Variants in NCAM2 observed in about 807,000 individuals in gnomAD.
NCAM2 encodes N-CAM-2.
In NCAM2, 30 loss-of-function variants were observed where a neutral mutation model predicts 98.1. The ratio of observed to expected loss-of-function variants is 0.31; its 90% confidence interval spans 0.23 to 0.41. The LOEUF is 0.41. NCAM2 is among the 10% of genes least tolerant of loss of function. The pLI is 1.00. For missense variants in NCAM2, 867 were observed against 1,005.8 expected (o/e 0.86, Z 1.87); for synonymous variants, 368 against 342.4 (o/e 1.07, Z -0.83).
chr21:21,206,515 A>G (rs2069443690), intron 1 of NCAM2, among the ~76,000 whole-genome samples: 1 of 152,164 alleles, frequency 6.6e-6, no homozygotes, highest in Non-Finnish European at 1.5e-5. Flanking sequence ...ATATAGTCTT[A>G]CTGGGTTTGA....
intron 15 of NCAM2, among the ~76,000 whole-genome samples, chr21:21,494,818 G>T (rs989596166): frequency 1.3e-5 from 2 of 151,680 alleles, no homozygotes; most frequent in African/African-American, 2.4e-5. Context: ...TTATTAAAAG[G>T]ATATTTTAAA....
chr21:21,288,350 C>T (rs1437207468), intron 4 of NCAM2, among the ~76,000 whole-genome samples: 2 of 151,772 alleles, frequency 1.3e-5, no homozygotes, highest in Admixed American at 6.6e-5. Context: ...TAATAAATGA[C>T]ATGTATCGCT....
chr21:21,232,841 T>TA (rs1315775847), intron 1 of NCAM2, among the ~76,000 whole-genome samples: 1 of 151,614 alleles, frequency 6.6e-6, no homozygotes, highest in Non-Finnish European at 1.5e-5. Flanking sequence ...GACCCAGACT[T>TA]AAAAAAATTC....
intron 12 of NCAM2, among the ~76,000 whole-genome samples, chr21:21,433,724 C>T (rs981641712): frequency 7.7e-6 from 1 of 130,646 alleles, no homozygotes; most frequent in Non-Finnish European, 1.6e-5. Flanking sequence ...GCCTGGGCGA[C>T]AGAGCAAGAC....
intron 1 of NCAM2, among the ~76,000 whole-genome samples, chr21:21,130,457 A>C (rs1245828599): frequency 6.6e-6 from 1 of 152,134 alleles, no homozygotes; most frequent in Admixed American, 6.5e-5. Context: ...AATCTCCCAA[A>C]CTTTTATTTG....
chr21:21,201,286 G>T (rs1328034040), intron 1 of NCAM2, among the ~76,000 whole-genome samples: 1 of 152,090 alleles, frequency 6.6e-6, no homozygotes, highest in Non-Finnish European at 1.5e-5. Context: ...TATACCTAAA[G>T]CAGTGCAATT....
intron 16 of NCAM2, among the ~76,000 whole-genome samples, chr21:21,515,892 T>C (rs1988682621): frequency 6.6e-6 from 1 of 152,170 alleles, no homozygotes; most frequent in Non-Finnish European, 1.5e-5. Context: ...TTTAGAGTTT[T>C]TGTATTCCTT....
intron 1 of NCAM2, among the ~76,000 whole-genome samples, chr21:21,171,591 C>G (rs1215070458): frequency 2.0e-5 from 3 of 152,110 alleles, no homozygotes; most frequent in Non-Finnish European, 4.4e-5. Context: ...CTTAACCACC[C>G]TTGACTGCCA....
chr21:21,050,163 G>A (rs1338055374), intron 1 of NCAM2, among the ~76,000 whole-genome samples: 2 of 151,152 alleles, frequency 1.3e-5, no homozygotes, highest in Non-Finnish European at 1.5e-5. Flanking sequence ...TTTCTCTTTA[G>A]ACTCTGTTTT....
intron 1 of NCAM2, among the ~76,000 whole-genome samples, chr21:21,128,345 T>A (rs2066870068): frequency 6.6e-6 from 1 of 152,132 alleles, no homozygotes; most frequent in Non-Finnish European, 1.5e-5. Flanking sequence ...ACAGGAAATT[T>A]GTCTAAGGGT....
intron 8 of NCAM2, among the ~76,000 whole-genome samples, chr21:21,340,608 A>G (rs2074999976): frequency 6.6e-6 from 1 of 152,014 alleles, no homozygotes; most frequent in Non-Finnish European, 1.5e-5. Context: ...TCCAGTCAAT[A>G]AAGAAATTAA....
chr21:21,279,082 T>C (rs577292030), intron 1 of NCAM2, among the ~76,000 whole-genome samples: 1 of 152,196 alleles, frequency 6.6e-6, no homozygotes, highest in South Asian at 2.1e-4. Flanking sequence ...TTCTGAATGG[T>C]TTTTGTGATT....
At chr21:21,266,818 T>C (rs543763691) in intron 1 of NCAM2, among the ~76,000 whole-genome samples, 1 of 152,212 alleles carries the variant, frequency 6.6e-6, no homozygotes, top group South Asian at 2.1e-4. Context: ...CATGTATACA[T>C]ATGCAACAAA....
chr21:21,462,698 A>T (rs1395985609), intron 12 of NCAM2, among the ~76,000 whole-genome samples: 2 of 151,946 alleles, frequency 1.3e-5, no homozygotes, highest in Non-Finnish European at 2.9e-5. Flanking sequence ...GCCTTTATAG[A>T]CAGGTGATAA....
intron 1 of NCAM2, among the ~76,000 whole-genome samples, chr21:20,998,937 T>A (rs1333977308): frequency 6.6e-6 from 1 of 151,998 alleles, no homozygotes; most frequent in Non-Finnish European, 1.5e-5. Flanking sequence ...TTATCAGAAA[T>A]TGGATGAGTG....
At chr21:21,063,764 T>C (rs1405804512) in intron 1 of NCAM2, among the ~76,000 whole-genome samples, 1 of 152,190 alleles carries the variant, frequency 6.6e-6, no homozygotes, top group Admixed American at 6.5e-5. Flanking sequence ...TGGTTTACGT[T>C]ACAATTATTT....
chr21:21,252,463 A>G (rs1327247690), intron 1 of NCAM2, among the ~76,000 whole-genome samples: 2 of 151,494 alleles, frequency 1.3e-5, no homozygotes, highest in Admixed American at 6.6e-5. Flanking sequence ...ATATAATCTA[A>G]TCACCTTCAT....
intron 1 of NCAM2, among the ~76,000 whole-genome samples, chr21:21,164,771 G>A (rs923494637): frequency 6.6e-6 from 1 of 152,048 alleles, no homozygotes; most frequent in African/African-American, 2.4e-5. Context: ...ATTACTCTAT[G>A]CCTGGTGTTA....
intron 12 of NCAM2, among the ~76,000 whole-genome samples, chr21:21,443,274 C>T (rs1032651534): frequency 2.0e-5 from 3 of 151,844 alleles, no homozygotes; most frequent in Non-Finnish European, 2.9e-5. Context: ...CGGGGACTGC[C>T]GAGGGGTGGG....
Sources: allele counts gnomAD v4.1 joint callset (sites outside exome capture counted in the v4.1 genomes callset), GRCh38; gene constraint gnomAD v4.1.1; transcripts MANE v1.5; gene names NCBI Gene and HGNC (gene_info 2026-07-23, HGNC 2026-07-21).